The following DMD variants were observed in gnomAD, a reference collection of about 807,000 sequenced individuals.
The protein encoded by DMD is mutant dystrophin.
In DMD, 63 loss-of-function variants were observed where a neutral mutation model predicts 330.1. The observed-to-expected ratio is 0.19, with a 90% confidence interval of 0.16 to 0.24. The LOEUF is 0.24. Among genes scored for constraint, DMD ranks in the 10% least tolerant of loss-of-function variants. The pLI is 1.00. For synonymous variants in DMD, 1,223 were observed against 959.8 expected, an observed-to-expected ratio of 1.27 and a Z score of -5.07; for missense variants, 3,344 against 2,684.1, an observed-to-expected ratio of 1.25 and a Z score of -5.43.
chrX:32,392,640 T>A (rs1377875305), intron 30 of DMD, among the ~76,000 whole-genome samples: 4 of 111,743 alleles, frequency 3.6e-5, no homozygotes. Flanking sequence ...CAACAAGAGG[T>A]GAAGTTTATT....
At chrX:33,312,938 C>A (rs2053872538) in intron 1 of DMD, among the ~76,000 whole-genome samples, 1 of 110,831 alleles carries the variant, frequency 9.0e-6, no homozygotes, top group Non-Finnish European at 1.9e-5. Context: ...TTTAAAGCAG[C>A]AAAATCACCA....
At chrX:32,921,375 A>T (rs746143991) in intron 2 of DMD, among the ~76,000 whole-genome samples, 1 of 112,216 alleles carries the variant, frequency 8.9e-6, no homozygotes, top group African/African-American at 3.2e-5. Context: ...AAATATGTTC[A>T]TCCTCATTCC....
intron 61 of DMD, among the ~76,000 whole-genome samples, chrX:31,332,829 A>T (rs771391138): frequency 9.0e-6 from 1 of 111,334 alleles, no homozygotes; most frequent in East Asian, 2.8e-4. Context: ...AAAAATTCCA[A>T]CTCCTACGTT....
At chrX:33,113,601 C>T (rs201349030) in intron 1 of DMD, among the ~76,000 whole-genome samples, 2 of 84,467 alleles carry the variant, frequency 2.4e-5, no homozygotes, top group Non-Finnish European at 4.6e-5. Flanking sequence ...CCCCCCCCCC[C>T]AAAAAAATCT....
intron 55 of DMD, among the ~76,000 whole-genome samples, chrX:31,524,267 AT>A (rs1418735798): frequency 8.9e-6 from 1 of 111,944 alleles, no homozygotes; most frequent in African/African-American, 3.2e-5. Flanking sequence ...CTGTTATTGC[AT>A]GGGCTGTTTT....
At chrX:32,891,811 G>T (rs1468862238) in intron 2 of DMD, among the ~76,000 whole-genome samples, 1 of 100,672 alleles carries the variant, frequency 9.9e-6, no homozygotes, top group Non-Finnish European at 2.1e-5. Context: ...TGGATGGCAT[G>T]AAGCCCTACA....
At chrX:33,104,555 C>T (rs755538709) in intron 1 of DMD, among the ~76,000 whole-genome samples, 1 of 108,417 alleles carries the variant, frequency 9.2e-6, no homozygotes, top group East Asian at 2.9e-4. Context: ...CCCCTTTTTC[C>T]TTTATCTACC....
At chrX:31,787,060 G>C (rs184520988) in intron 50 of DMD, among the ~76,000 whole-genome samples, 4 of 112,103 alleles carry the variant, frequency 3.6e-5, no homozygotes, top group African/African-American at 9.7e-5. Flanking sequence ...TCAGGCATTC[G>C]ATAGTAGAAT....
chrX:33,096,501 CTT>C (rs752228692), intron 1 of DMD, among the ~76,000 whole-genome samples: 1 of 93,724 alleles, frequency 1.1e-5, no homozygotes, highest in Admixed American at 1.2e-4. Flanking sequence ...TTGGAGACGA[CTT>C]TTTTTTTTTT....
chrX:32,563,523 T>C lies in DMD; in HGVS notation c.1992+2179A>G, dbSNP rs772300038. Among the ~76,000 whole-genome samples the C allele has an allele frequency of 1.3e-3, 149 of 111,127 alleles. 1 individual carries two copies. The highest frequency in any genetic ancestry group is 4.7e-3 in the African/African-American group (143 of 30,594). On this transcript the variant is annotated intron_variant, in intron 16 of 78. Coordinates refer to ENST00000357033, the MANE Select transcript of DMD (RefSeq NM_004006.3). Reference sequence around the variant, plus strand: ...GTGAAGAGATACATGCTGTAATGCATGTTGGACTTTATTTCATAAAGAACC... The same window carrying C: ...GTGAAGAGATACATGCTGTAATGCACGTTGGACTTTATTTCATAAAGAACC...
intron 44 of DMD, among the ~76,000 whole-genome samples, chrX:32,144,406 A>G (rs2096768783): frequency 8.9e-6 from 1 of 112,168 alleles, no homozygotes; most frequent in African/African-American, 3.2e-5. Flanking sequence ...TATATTACAG[A>G]GAACCTGTTA....
chrX:32,092,245 C>G (rs182837559), intron 44 of DMD, among the ~76,000 whole-genome samples: 1 of 111,999 alleles, frequency 8.9e-6, no homozygotes, highest in East Asian at 2.8e-4. Context: ...TGGTTAACAT[C>G]TGAAAGTATT....
chrX:31,382,555 CTT>C (rs1489975853), intron 60 of DMD, among the ~76,000 whole-genome samples: 2 of 111,815 alleles, frequency 1.8e-5, no homozygotes, highest in African/African-American at 6.5e-5. Context: ...GCTGAACCTC[CTT>C]AGGCACTCTC....
chrX:33,192,365 T>C (rs1450136096), intron 1 of DMD, among the ~76,000 whole-genome samples: 1 of 112,349 alleles, frequency 8.9e-6, no homozygotes, highest in Non-Finnish European at 1.9e-5. Context: ...GTAATTGCAG[T>C]CAATGAAATG....
At position 32,655,037 on chromosome X, in the gene DMD, CT is replaced by C. The variant is rs1464821514; in HGVS notation, c.961-9886del. 2.7e-5 allele frequency among the ~76,000 whole-genome samples: 3 copies of C among 111,430 alleles called. No individual in the cohort carries two copies. In the Admixed American group the frequency reaches 2.9e-4, roughly 11 times the overall value. On this transcript the variant is annotated intron_variant, in intron 9 of 78. Transcript: ENST00000357033. ...TATTGCATCTATTTGATTCTTCTCT[CT>C]TTTCTTATTAGTCTTGCTAGCGATC... is the stretch of plus-strand genomic sequence containing the variant.
intron 2 of DMD, among the ~76,000 whole-genome samples, chrX:32,889,706 C>G (rs141263351): frequency 2.3e-3 from 251 of 111,063 alleles, no homozygotes; most frequent in African/African-American, 7.8e-3. Context: ...GATCCACCCC[C>G]TGCTCGCAAA....
At chrX:31,258,588 T>C (rs2050196809) in intron 63 of DMD, among the ~76,000 whole-genome samples, 1 of 111,923 alleles carries the variant, frequency 8.9e-6, no homozygotes, top group African/African-American at 3.3e-5. Context: ...AAATTATACC[T>C]GAAAGTTGAT....
intron 44 of DMD, among the ~76,000 whole-genome samples, chrX:32,173,095 G>A (rs2096893843): frequency 1.8e-5 from 2 of 108,255 alleles, no homozygotes; most frequent in Middle Eastern, 4.7e-3. Flanking sequence ...GTGTGTGTGT[G>A]TGTGTGTGTG....
chrX:31,437,431 G>A (rs954673230), intron 60 of DMD, among the ~76,000 whole-genome samples: 5 of 111,601 alleles, frequency 4.5e-5, no homozygotes, highest in African/African-American at 1.6e-4. Context: ...GGCCTCACCC[G>A]ATACTAAATT....
Sources: gnomAD v4.1 joint callset for allele counts (sites outside exome capture counted in the v4.1 genomes callset) on GRCh38, gnomAD v4.1.1 for gene constraint, MANE v1.5 for transcripts, NCBI Gene and HGNC (gene_info 2026-07-23, HGNC 2026-07-21) for gene names.